The following ACSS2 variants were observed in gnomAD, a reference collection of about 807,000 sequenced individuals.
The protein encoded by ACSS2 is acetyl-coenzyme A synthetase, cytoplasmic.
In ACSS2, 58 loss-of-function variants were observed where a neutral mutation model predicts 90.6. The ratio of observed to expected loss-of-function variants is 0.64; its 90% confidence interval spans 0.52 to 0.80. The LOEUF is 0.80. Among genes scored for constraint, ACSS2 ranks in the 30% least tolerant of loss-of-function variants. The pLI, the probability that ACSS2 is intolerant of heterozygous loss-of-function variation, is 0.00. For synonymous variants in ACSS2, 300 were observed against 330.9 expected (o/e 0.91, Z 1.01); for missense variants, 759 against 912.0 (o/e 0.83, Z 2.16).
intron 1 of ACSS2, among the ~76,000 whole-genome samples, chr20:34,879,044 A>G (rs1158739941): frequency 1.3e-5 from 2 of 151,326 alleles, no homozygotes; most frequent in Non-Finnish European, 2.9e-5. Flanking sequence ...AGCTGGGACT[A>G]CAGGCGCCCG....
In ACSS2 at chr20:34,921,331, C is replaced by T. The variant is rs923632062; in HGVS notation, c.1279C>T (p.His427Tyr). Residue 427 changes from histidine (H) to tyrosine (Y), a missense_variant and splice_region_variant, in exon 11 of 18, where the codon CAT becomes TAT. Physicochemically the swap from His to Tyr is moderately conservative, Grantham distance 83. Transcript: ENST00000360596. The part of the protein sequence containing the change: ...MKFGDEPVTK[H>Y]SRASLQVLGT... The stretch of plus-strand genomic sequence containing the variant: ...CTCTCTCCCATTCCCCTGCCCCAGG[C>T]ATAGCCGGGCATCCTTGCAGGTGTT... The T allele has an allele frequency of 3.7e-6, 6 of 1,614,052 alleles. No individual in the cohort carries two copies. The East Asian group carries it at 1.3e-4, about 36-fold the overall frequency.
intron 2 of ACSS2, among the ~76,000 whole-genome samples, chr20:34,910,950 G>A (rs773080340): frequency 7.0e-4 from 106 of 152,150 alleles, no homozygotes; most frequent in Non-Finnish European, 1.2e-3. Flanking sequence ...AACCTCCTGA[G>A]TAGCTGAGAC....
chr20:34,906,401 C>T (rs559949283), intron 2 of ACSS2, among the ~76,000 whole-genome samples: 2 of 151,952 alleles, frequency 1.3e-5, no homozygotes, highest in Non-Finnish European at 2.9e-5. Context: ...GGCCAATACC[C>T]TGCCCCTCAC....
chr20:34,885,066 G>A (rs1320507511), intron 2 of ACSS2, among the ~76,000 whole-genome samples: 3 of 152,058 alleles, frequency 2.0e-5, no homozygotes, highest in Non-Finnish European at 4.4e-5. Flanking sequence ...TGGGCATGGT[G>A]GTGCACGCCT....
intron 1 of ACSS2, among the ~76,000 whole-genome samples, chr20:34,878,402 T>G (rs2079979926): frequency 6.6e-6 from 1 of 152,236 alleles, no homozygotes; most frequent in African/African-American, 2.4e-5. Flanking sequence ...AGATTCCTTT[T>G]CTTCCATCTA....
intron 7 of ACSS2, among the ~76,000 whole-genome samples, chr20:34,916,673 T>A (rs2081083743): frequency 6.6e-6 from 1 of 152,224 alleles, no homozygotes; most frequent in Non-Finnish European, 1.5e-5. Flanking sequence ...TGCAAAAATC[T>A]TTCTGACAAT....
At position 34,919,462 on chromosome 20, in the gene ACSS2, T is replaced by G. The variant is rs1311270218; in HGVS notation, c.862T>G (p.Trp288Gly). The part of the protein sequence containing the change: ...QISWNQGIDL[W>G]WHELMQEAGD... ...CTCATGGAACCAAGGGATTGACTTG[T>G]GGTGGCATGAGCTCATGCAAGAGGC... The change falls in exon 8 of 18, where the codon TGG becomes GGG. Residue 288 changes from tryptophan (W) to glycine (G), a missense_variant. Physicochemically the swap from Trp to Gly is radical, Grantham distance 184 (BLOSUM62 -2). Transcript: ENST00000360596. 6.2e-7 allele frequency: 1 copy of G among 1,613,582 alleles called. No individual in the cohort carries two copies. The highest frequency in any genetic ancestry group is 1.1e-5 in the South Asian group (1 of 91,046).
chr20:34,879,317 T>G (rs17400522), intron 1 of ACSS2, among the ~76,000 whole-genome samples: 2,530 of 152,222 alleles, frequency 0.017, 36 homozygotes, highest in South Asian at 0.05. Context: ...CTCCTTGATA[T>G]CCTGGATACA....
intron 2 of ACSS2, among the ~76,000 whole-genome samples, chr20:34,906,983 C>CAAA (rs1228479859): frequency 5.8e-4 from 24 of 41,466 alleles, no homozygotes; most frequent in African/African-American, 1.2e-3. Context: ...GACTCCATCT[C>CAAA]AAAAAAAAAA....
rs142232000 is a variant in ACSS2, at chr20:34,927,649, T to A, written c.*435T>A. ...GAGTCCAGGAACAATTTACTATTTT[T>A]AAAATATTTTGCTGCTTCTGTTCTG... On this transcript the variant is annotated 3_prime_UTR_variant, in exon 18 of 18. Coordinates refer to ENST00000360596, the MANE Select transcript of ACSS2 (RefSeq NM_018677.4). This position sits in a 1 kb window ranked among gnomAD's most constrained non-coding sequence, Gnocchi z 4.2. 8 of 174,608 alleles carry A rather than the reference T, an allele frequency of 4.6e-5. No individual in the cohort carries two copies. Among genetic ancestry groups the A allele is most frequent in the Admixed American group, 1.6e-4 (3 of 18,396 alleles). The allele number at this position is 174,608 out of a possible 1,614,324, so 10.8% of individuals were successfully genotyped here.
intron 2 of ACSS2, among the ~76,000 whole-genome samples, chr20:34,890,917 T>C (rs2080318332): frequency 6.8e-6 from 1 of 147,420 alleles, no homozygotes; most frequent in South Asian, 2.1e-4. Context: ...CAGATCCTTG[T>C]AGGCATATGT....
Position 34,921,823 on chromosome 20 carries a change from A to G in ACSS2, c.1505A>G (p.Asn502Ser). Residue 502 changes from asparagine (N) to serine (S), a missense_variant, in exon 13 of 18, where the codon AAT (asparagine) becomes AGT (serine). Transcript: ENST00000360596. Reference protein sequence around the residue: ...PFFGVAPAILNESGEELEGEA... With the variant: ...PFFGVAPAILSESGEELEGEA... ...TTTGGTGTAGCTCCTGCAATCCTGA[A>G]TGAGTCCGGGGAAGAGTTGGAAGGT... 6.2e-7 allele frequency: 1 copy of G among 1,614,072 alleles called. No homozygotes were observed. The highest frequency in any genetic ancestry group is 8.5e-7 in the Non-Finnish European group (1 of 1,179,988).
intron 2 of ACSS2, among the ~76,000 whole-genome samples, chr20:34,902,348 CAAAA>C (rs1042834738): frequency 2.2e-4 from 34 of 151,922 alleles, no homozygotes; most frequent in African/African-American, 8.2e-4. Context: ...AAACAAATAA[CAAAA>C]GAAGTATAGT....
intron 2 of ACSS2, among the ~76,000 whole-genome samples, chr20:34,885,787 T>C (rs2080177844): frequency 6.6e-6 from 1 of 152,172 alleles, no homozygotes. Context: ...CTGGATTAAA[T>C]AATCTCTAAA....
chr20:34,899,198 C>T (rs1269775244), intron 2 of ACSS2, among the ~76,000 whole-genome samples: 1 of 152,206 alleles, frequency 6.6e-6, no homozygotes, highest in African/African-American at 2.4e-5. Flanking sequence ...CCGCACCTCC[C>T]TGCAAGCTGA....
intron 4 of ACSS2, 23 bp downstream of exon 4, chr20:34,913,519 A>C: frequency 8.4e-6 from 12 of 1,430,314 alleles, no homozygotes; most frequent in Non-Finnish European, 1.1e-5. Flanking sequence ...GCTGGTGAAA[A>C]GGGGCAGGCG....
At position 34,926,919 on chromosome 20, in the gene ACSS2, A is replaced by G. The variant is rs1179759861; in HGVS notation, c.1946A>G (p.Gln649Arg). Residue 649 changes from glutamine to arginine, a missense_variant, in exon 17 of 18, where the codon CAG (glutamine) becomes CGG (arginine). Transcript: ENST00000360596. ...CCCATTGCCACACCAGACTACATCC[A>G]GAATGCACCTGGCTTGCCTAAAACC... Reference protein sequence around the residue: ...IGPIATPDYIQNAPGLPKTRS... With the variant: ...IGPIATPDYIRNAPGLPKTRS... 1 of 1,614,226 alleles carries G rather than the reference A, an allele frequency of 6.2e-7. No homozygotes were observed. Among genetic ancestry groups the G allele is most frequent in the East Asian group, 2.2e-5 (1 of 44,894 alleles).
intron 7 of ACSS2, among the ~76,000 whole-genome samples, chr20:34,915,780 A>C (rs2081065273): frequency 6.6e-6 from 1 of 152,238 alleles, no homozygotes. Context: ...ATTAAGTGCT[A>C]AACTGAACAA....
At chr20:34,902,103 T>TC (rs11425079) in intron 2 of ACSS2, among the ~76,000 whole-genome samples, 82,232 of 151,770 alleles carry the variant, frequency 0.54, 23,005 homozygotes, top group South Asian at 0.73. Context: ...AGTCTACTTT[T>TC]CCCCATAATG....
Sources: allele counts gnomAD v4.1 joint callset (sites outside exome capture counted in the v4.1 genomes callset), GRCh38; gene constraint gnomAD v4.1.1; non-coding constraint Gnocchi (gnomAD v3.1); transcripts MANE v1.5; gene names NCBI Gene and HGNC (gene_info 2026-07-23, HGNC 2026-07-21).